The following TMEM178A variants were observed in gnomAD, a reference collection of about 807,000 sequenced individuals.
TMEM178A encodes the protein transmembrane protein 178.
In TMEM178A, 12 loss-of-function variants were observed where a neutral mutation model predicts 29.1. The ratio of observed to expected loss-of-function variants is 0.41; its 90% CI spans 0.26 to 0.67. The LOEUF (loss-of-function observed/expected upper bound fraction) is 0.67. Among genes scored for constraint, TMEM178A ranks in the 30% least tolerant of loss-of-function variants. TMEM178A has a pLI of 0.29. For synonymous variants in TMEM178A, 210 were observed against 187.2 expected (o/e 1.12, Z -0.99); for missense variants, 366 against 419.1 (o/e 0.87, Z 1.11).
intron 1 of TMEM178A, among the ~76,000 whole-genome samples, chr2:39,668,655 AGGAGTTT>A (rs1165416666): frequency 6.6e-6 from 1 of 152,214 alleles, no homozygotes; most frequent in East Asian, 1.9e-4. Context: ...TTAAGCAATG[AGGAGTTT>A]GGAGGAAAGA....
At chr2:39,714,681 C>A (rs748722935) in intron 3 of TMEM178A, among the ~76,000 whole-genome samples, 1 of 152,158 alleles carries the variant, frequency 6.6e-6, no homozygotes, top group East Asian at 1.9e-4. Context: ...CTGGTTAAAT[C>A]CCCAGATTAG....
At chr2:39,699,547 C>T (rs1671690667) in intron 1 of TMEM178A, among the ~76,000 whole-genome samples, 1 of 151,744 alleles carries the variant, frequency 6.6e-6, no homozygotes, top group African/African-American at 2.4e-5. Context: ...GCCTACATCT[C>T]CTGGGCTTAA....
chr2:39,710,174 A>G (rs1036703876), intron 3 of TMEM178A, among the ~76,000 whole-genome samples: 1 of 152,206 alleles, frequency 6.6e-6, no homozygotes, highest in Admixed American at 6.5e-5. Context: ...ACATCAAAAT[A>G]TGCAAAGCAA....
chr2:39,716,926 G>C, intron 3 of TMEM178A, 84 bp from the exon 4 acceptor site: 1 of 1,487,640 alleles, frequency 6.7e-7, no homozygotes, highest in Non-Finnish European at 9.1e-7. Flanking sequence ...TGGTTGATCT[G>C]ATTTTCATAA....
intron 1 of TMEM178A, chr2:39,697,802 G>A (rs2148090170): frequency 6.6e-6 from 1 of 152,488 alleles, no homozygotes; most frequent in East Asian, 1.9e-4. Context: ...TGCCCACTGG[G>A]ATCCTGCCCA....
At chr2:39,677,255 G>A (rs1670670427) in intron 1 of TMEM178A, among the ~76,000 whole-genome samples, 1 of 151,986 alleles carries the variant, frequency 6.6e-6, no homozygotes, top group Non-Finnish European at 1.5e-5. Flanking sequence ...CTCAAACCAG[G>A]TTCATTTATA....
the TMEM178A span, among the ~76,000 whole-genome samples, chr2:39,728,199 T>C: frequency 6.6e-6 from 1 of 152,244 alleles, no homozygotes; most frequent in Non-Finnish European, 1.5e-5. Flanking sequence ...AGCATTCCTA[T>C]TTCTCCACAT....
the TMEM178A span, among the ~76,000 whole-genome samples, chr2:39,730,630 G>A: frequency 7.9e-5 from 12 of 152,230 alleles, no homozygotes; most frequent in Non-Finnish European, 1.5e-4. Context: ...GTGGTCGTTC[G>A]TTCTAACGTA....
At chr2:39,725,199 G>C in the TMEM178A span, among the ~76,000 whole-genome samples, 1 of 152,188 alleles carries the variant, frequency 6.6e-6, no homozygotes, top group African/African-American at 2.4e-5. Flanking sequence ...GGTGGGACGG[G>C]TGAGTGGCCC....
intron 3 of TMEM178A, among the ~76,000 whole-genome samples, chr2:39,712,519 C>T (rs1408960496): frequency 2.0e-5 from 3 of 152,168 alleles, no homozygotes; most frequent in African/African-American, 7.2e-5. Flanking sequence ...GTGGTATCTT[C>T]TAATTAGGAA....
chr2:39,708,794 G>A (rs1672173805), intron 3 of TMEM178A, among the ~76,000 whole-genome samples: 6 of 152,116 alleles, frequency 3.9e-5, no homozygotes, highest in Admixed American at 3.9e-4. Flanking sequence ...CTAAAGGGTA[G>A]TTTTGTCTAA....
chr2:39,699,612 A>G (rs1347875994), intron 1 of TMEM178A, among the ~76,000 whole-genome samples: 2 of 151,802 alleles, frequency 1.3e-5, no homozygotes, highest in Admixed American at 1.3e-4. Context: ...GCGTGCCATC[A>G]TGCCTGGCTA....
intron 1 of TMEM178A, among the ~76,000 whole-genome samples, chr2:39,669,203 G>A (rs987437146): frequency 1.1e-4 from 17 of 152,140 alleles, no homozygotes; most frequent in African/African-American, 4.1e-4. Context: ...GCTTCTGAGA[G>A]GCAAAGATGT....
chr2:39,667,833 C>T (rs1208791801), intron 1 of TMEM178A, among the ~76,000 whole-genome samples: 1 of 152,200 alleles, frequency 6.6e-6, no homozygotes, highest in Non-Finnish European at 1.5e-5. Context: ...AATCTGATTT[C>T]TCCTCATGAA....
downstream of TMEM178A, among the ~76,000 whole-genome samples, chr2:39,719,663 C>G (rs1247576247): frequency 1.3e-5 from 2 of 152,216 alleles, no homozygotes; most frequent in African/African-American, 4.8e-5. Context: ...TTGCACAGTA[C>G]TGTGCAGGAC....
chr2:39,732,204 C>A, the TMEM178A span, among the ~76,000 whole-genome samples: 1 of 152,144 alleles, frequency 6.6e-6, no homozygotes, highest in African/African-American at 2.4e-5. Flanking sequence ...GTCTTTCACC[C>A]TGAGTGGGGC....
chr2:39,711,891 C>G (rs1474637641), intron 3 of TMEM178A, among the ~76,000 whole-genome samples: 1 of 152,062 alleles, frequency 6.6e-6, no homozygotes, highest in African/African-American at 2.4e-5. Flanking sequence ...CATTAATATT[C>G]CTGTAGCTAA....
At position 39,684,367 on chromosome 2, in the gene TMEM178A, A is replaced by G. The variant is rs1670987110; in HGVS notation, c.400+17993A>G. Among the ~76,000 whole-genome samples the G allele has an allele frequency of 2.0e-5, 3 of 152,292 alleles. No individual in the cohort carries two copies. In the South Asian group the frequency reaches 6.2e-4, roughly 32 times the overall value. ...TAAAGAAGGAAAAAAATAATCTGTT[A>G]TCCTGCCAGTTAGTTATATAAACCT... On this transcript the variant is annotated intron_variant, in intron 1 of 3. Coordinates refer to ENST00000281961, the MANE Select transcript of TMEM178A (RefSeq NM_152390.3).
At chr2:39,721,935 T>C (rs1672713581), downstream of TMEM178A, among the ~76,000 whole-genome samples, 1 of 126,780 alleles carries the variant, frequency 7.9e-6, no homozygotes, top group African/African-American at 3.0e-5. Context: ...TGAGCTATTA[T>C]CACACCACTG....
Sources: gnomAD v4.1 joint callset for allele counts (sites outside exome capture counted in the v4.1 genomes callset) on GRCh38, gnomAD v4.1.1 for gene constraint, MANE v1.5 for transcripts, NCBI Gene and HGNC (gene_info 2026-07-23, HGNC 2026-07-21) for gene names.